Variants in JMJD1C observed in about 807,000 individuals in gnomAD.
JMJD1C encodes the protein jumonji domain containing 1C, also known as jumonji domain-containing protein 1C.
In JMJD1C, 31 loss-of-function variants were observed where a neutral mutation model predicts 245.3. The observed-to-expected ratio is 0.13, with a 90% CI of 0.09 to 0.17. The LOEUF is 0.17. Among genes scored for constraint, JMJD1C ranks in the 10% least tolerant of loss-of-function variants. The probability of loss-of-function intolerance (pLI) is 1.00; values close to 1 mark genes in which losing one functional copy is unlikely to be tolerated. For missense variants in JMJD1C, 2,691 were observed against 3,000.2 expected (o/e 0.90, Z 2.41); for synonymous variants, 1,057 against 1,017.4 (o/e 1.04, Z -0.74).
rs143456226 is a variant in JMJD1C at position 63,504,134 on chromosome 10, T to C, written n.113+17604A>G. Among the ~76,000 whole-genome samples the C allele has an allele frequency of 8.4e-3, 1,274 of 152,308 alleles. 19 individuals carry two copies. Among genetic ancestry groups the C allele is most frequent in the African/African-American group, 0.029 (1,203 of 41,554 alleles). The stretch of plus-strand genomic sequence containing the variant: ...AGTATAATAAACCTAATGTATAAAG[T>C]CATTACTTGTTTCTGTACTTTTCTG... On this transcript the variant is annotated intron_variant and non_coding_transcript_variant, in intron 1 of 3. Transcript: ENST00000633035.
Position 63,389,322 on chromosome 10 carries a change from A to G in JMJD1C, c.169-8840T>C, listed in dbSNP as rs1222892901. ...GTGAGACCCTGTCTCAAAAAAAAAA[A>G]AAAAAAGAAAAAGAAAAAAGATCTA... On this transcript the variant is annotated intron_variant, in intron 1 of 25. Coordinates refer to ENST00000399262, the MANE Select transcript of JMJD1C (RefSeq NM_032776.3). Among the ~76,000 whole-genome samples, 11 of 150,366 alleles carry G rather than the reference A, an allele frequency of 7.3e-5. 1 individual carries two copies. Among genetic ancestry groups the G allele is most frequent in the African/African-American group, 2.4e-4 (10 of 41,094 alleles).
At chr10:63,234,708 G>A (rs189402203) in intron 3 of JMJD1C, among the ~76,000 whole-genome samples, 128 of 125,158 alleles carry the variant, frequency 1.0e-3, no homozygotes, top group Non-Finnish European at 4.5e-4. Flanking sequence ...CAAGGCGGGA[G>A]GATCACTTGA....
chr10:63,221,309 T>C (rs1442664014), intron 3 of JMJD1C, among the ~76,000 whole-genome samples: 2 of 152,218 alleles, frequency 1.3e-5, no homozygotes, highest in Non-Finnish European at 2.9e-5. Context: ...CCAGGTAAAG[T>C]GTTTCCTTCT....
intron 1 of JMJD1C, among the ~76,000 whole-genome samples, chr10:63,459,930 C>G (rs1017173099): frequency 6.6e-6 from 1 of 152,202 alleles, no homozygotes; most frequent in Non-Finnish European, 1.5e-5. Context: ...GCTACCGTGT[C>G]AATACTATTA....
chr10:63,330,729 C>T (rs553220479), intron 2 of JMJD1C, among the ~76,000 whole-genome samples: 1 of 152,254 alleles, frequency 6.6e-6, no homozygotes, highest in African/African-American at 2.4e-5. Context: ...ACCCCCTTTT[C>T]ACAGATAATA....
At chr10:63,472,296 A>G (rs928550369) in intron 1 of JMJD1C, among the ~76,000 whole-genome samples, 1 of 152,026 alleles carries the variant, frequency 6.6e-6, no homozygotes, top group African/African-American at 2.4e-5. Flanking sequence ...CTAAATTTGC[A>G]TGGATGCTTC....
Position 63,281,312 on chromosome 10 carries a change from T to TGG in JMJD1C, c.334-16549_334-16548insCC, listed in dbSNP as rs879564156. Among the ~76,000 whole-genome samples the TGG allele has an allele frequency of 4.2e-3, 609 of 144,374 alleles. 7 individuals are homozygous for TGG. In the East Asian group the frequency reaches 0.048, roughly 11 times the overall value. The allele number at this position is 144,374 out of a possible 152,430, so 94.7% of individuals were successfully genotyped here. A position where few individuals can be genotyped will look rare whatever the true frequency, so the allele number is the denominator to read the frequency against. On this transcript the variant is annotated intron_variant, in intron 2 of 25. Transcript: ENST00000399262. ...ACCATGCCCGGCTAATTTTTCTGTT[T>TGG]TTTTTTTTTGTTTGTTTTTTGTTTT...
intron 1 of JMJD1C, among the ~76,000 whole-genome samples, chr10:63,420,053 T>G (rs1446142612): frequency 6.6e-6 from 1 of 151,594 alleles, no homozygotes; most frequent in Non-Finnish European, 1.5e-5. Flanking sequence ...GGAGAATTGC[T>G]TGAACCCGGG....
intron 10 of JMJD1C, chr10:63,203,129 C>T (rs1846209310): frequency 1.0e-6 from 1 of 984,924 alleles, no homozygotes; most frequent in Non-Finnish European, 1.2e-6. Context: ...AGGCCCAATT[C>T]ATACGTAGAG....
intron 3 of JMJD1C, among the ~76,000 whole-genome samples, chr10:63,246,034 GA>G (rs550340726): frequency 6.7e-6 from 1 of 150,358 alleles, no homozygotes; most frequent in Non-Finnish European, 1.5e-5. Flanking sequence ...TGTCAGAGAA[GA>G]AAAAAACAAC....
At chr10:63,203,992 G>T (rs1431832990) in intron 10 of JMJD1C, 6 of 983,594 alleles carry the variant, frequency 6.1e-6, no homozygotes, top group Non-Finnish European at 7.2e-6. Flanking sequence ...CCAACTTAAA[G>T]AACTTTTCTG....
intron 14 of JMJD1C, 114 bp from the exon 15 acceptor site, chr10:63,193,586 C>T: frequency 1.6e-6 from 1 of 627,312 alleles, no homozygotes; most frequent in Non-Finnish European, 2.6e-6. Flanking sequence ...TTTTCTTGTG[C>T]CCTTTAAATT....
At chr10:63,382,271 GT>G (rs1465226068) in intron 1 of JMJD1C, among the ~76,000 whole-genome samples, 2 of 152,276 alleles carry the variant, frequency 1.3e-5, no homozygotes, top group East Asian at 3.9e-4. Flanking sequence ...GATGGTTTCT[GT>G]CATAATTGTT....
intron 1 of JMJD1C, among the ~76,000 whole-genome samples, chr10:63,421,071 ACGC>A (rs1950099597): frequency 6.6e-6 from 1 of 152,196 alleles, no homozygotes; most frequent in African/African-American, 2.4e-5. Context: ...GTGGTGGCTC[ACGC>A]TTGTAATCCC....
intron 3 of JMJD1C, among the ~76,000 whole-genome samples, chr10:63,242,324 C>T (rs559331348): frequency 2.6e-5 from 4 of 152,212 alleles, no homozygotes; most frequent in Non-Finnish European, 5.9e-5. Flanking sequence ...ATGTGACCTG[C>T]ACGACTGAAG....
chr10:63,431,169 T>C (rs1950723497), intron 1 of JMJD1C, among the ~76,000 whole-genome samples: 2 of 152,168 alleles, frequency 1.3e-5, no homozygotes, highest in Admixed American at 1.3e-4. Context: ...AAGGAGGAAA[T>C]GACAGAGTAT....
intron 1 of JMJD1C, among the ~76,000 whole-genome samples, chr10:63,464,772 A>T (rs1336620038): frequency 6.6e-6 from 1 of 152,250 alleles, no homozygotes; most frequent in African/African-American, 2.4e-5. Context: ...TCTTATTTAA[A>T]ATCGTATAAA....
rs1346262384 is a variant in JMJD1C, at chr10:63,475,599, TTA to T, written n.113+46137_113+46138del. Among the ~76,000 whole-genome samples the T allele has an allele frequency of 1.2e-4, 18 of 152,108 alleles. No individual in the cohort carries two copies. In the East Asian group the frequency reaches 2.3e-3, roughly 20 times the overall value. ...CTCCTACTACTGGGGAGAAGGAGGA[TTA>T]TCAAGAATAGAGGAAAACAGAGCCT... On this transcript the variant is annotated intron_variant and non_coding_transcript_variant, in intron 1 of 3. Transcript: ENST00000633035.
rs10995515 is a variant in JMJD1C at position 63,361,681 on chromosome 10, G to A, written c.333+18637C>T. ...TGCAGTGAGCTGAGACTGTGCCGCT[G>A]GACTCCAGCCTGGGCAACAGAACAA... On this transcript the variant is annotated intron_variant, in intron 2 of 25. Transcript: ENST00000399262. Among the ~76,000 whole-genome samples, 734 of 136,994 alleles carry A rather than the reference G, an allele frequency of 5.4e-3. 8 individuals are homozygous for A. The highest frequency in any genetic ancestry group is 0.019 in the African/African-American group (682 of 35,342). 89.9% of individuals were successfully genotyped at this position (136,994 alleles called of 152,430 possible).
Sources: allele counts gnomAD v4.1 joint callset (sites outside exome capture counted in the v4.1 genomes callset), GRCh38; gene constraint gnomAD v4.1.1; transcripts MANE v1.5; gene names NCBI Gene and HGNC (gene_info 2026-07-23, HGNC 2026-07-21).